TBC1D12: variants seen among roughly 807,000 people sequenced by gnomAD.
TBC1D12 encodes TBC1 domain family member 12.
A neutral mutation model predicts 86.7 loss-of-function variants in TBC1D12; 56 were observed. That is an observed-to-expected ratio of 0.65 (90% CI 0.52 to 0.81). TBC1D12 has a LOEUF of 0.81. Ranked by LOEUF, TBC1D12 falls within the 30% of genes least tolerant of loss-of-function variation. The pLI is 0.00. For missense variants in TBC1D12, 1,023 were observed against 1,038.8 expected (o/e 0.98, Z 0.21); for synonymous variants, 421 against 411.7 (o/e 1.02, Z -0.27).
chr10:94,490,117 G>A (rs1278120768), intron 3 of TBC1D12, among the ~76,000 whole-genome samples: 2 of 152,112 alleles, frequency 1.3e-5, no homozygotes, highest in Admixed American at 6.6e-5. Context: ...CAGGCATGAT[G>A]GCAGGCATCT....
chr10:94,419,226 A>G (rs770411815), intron 1 of TBC1D12, among the ~76,000 whole-genome samples: 1 of 152,006 alleles, frequency 6.6e-6, no homozygotes, highest in Non-Finnish European at 1.5e-5. Context: ...ATTCTTAAGG[A>G]TTTGTACATT....
At chr10:94,478,964 A>G (rs1294800068) in intron 3 of TBC1D12, among the ~76,000 whole-genome samples, 3 of 152,218 alleles carry the variant, frequency 2.0e-5, no homozygotes, top group Admixed American at 6.5e-5. Flanking sequence ...CAAAAAAAAA[A>G]AGTGGAAATG....
At chr10:94,443,219 GC>G (rs2055406630) in intron 2 of TBC1D12, among the ~76,000 whole-genome samples, 2 of 152,184 alleles carry the variant, frequency 1.3e-5, no homozygotes, top group Non-Finnish European at 2.9e-5. Context: ...TTTCTAAGCA[GC>G]CCCTCCCTTT....
At chr10:94,475,632 C>T (rs776600708) in intron 3 of TBC1D12, among the ~76,000 whole-genome samples, 16 of 152,020 alleles carry the variant, frequency 1.1e-4, no homozygotes, top group African/African-American at 2.2e-4. Flanking sequence ...GACAGGGTTT[C>T]GCCATGTTGG....
At chr10:94,434,445 G>A (rs959641941) in intron 1 of TBC1D12, among the ~76,000 whole-genome samples, 1 of 151,058 alleles carries the variant, frequency 6.6e-6, no homozygotes, top group Admixed American at 6.6e-5. Context: ...GATGGAGGTT[G>A]CAGTGAGCCA....
At chr10:94,405,571 G>C (rs1044553463) in intron 1 of TBC1D12, among the ~76,000 whole-genome samples, 2 of 152,136 alleles carry the variant, frequency 1.3e-5, no homozygotes, top group African/African-American at 4.8e-5. Flanking sequence ...TGTGGCCTTT[G>C]GGTGTTTGTT....
At chr10:94,406,399 G>C (rs537649113) in intron 1 of TBC1D12, among the ~76,000 whole-genome samples, 2 of 152,282 alleles carry the variant, frequency 1.3e-5, no homozygotes, top group Admixed American at 6.5e-5. Context: ...CTAGGAGTCA[G>C]TGCTTCCTTT....
intron 9 of TBC1D12, among the ~76,000 whole-genome samples, chr10:94,515,962 G>A (rs557345906): frequency 1.3e-5 from 2 of 152,258 alleles, no homozygotes; most frequent in Middle Eastern, 3.4e-3. Context: ...TGGCAGGAAG[G>A]AGCAGGACCA....
intron 2 of TBC1D12, among the ~76,000 whole-genome samples, chr10:94,458,412 T>C (rs1289835999): frequency 6.6e-6 from 1 of 152,120 alleles, no homozygotes; most frequent in Non-Finnish European, 1.5e-5. Context: ...AGAAATAAAT[T>C]CTTTTGAATT....
intron 9 of TBC1D12, among the ~76,000 whole-genome samples, chr10:94,516,395 A>C (rs1203923513): frequency 6.6e-6 from 1 of 152,196 alleles, no homozygotes; most frequent in Non-Finnish European, 1.5e-5. Context: ...GGTTGGGCAT[A>C]TATAAATTTT....
intron 11 of TBC1D12, among the ~76,000 whole-genome samples, chr10:94,526,819 C>A (rs1488231637): frequency 1.3e-5 from 2 of 152,198 alleles, no homozygotes; most frequent in Non-Finnish European, 2.9e-5. Flanking sequence ...ATACTGTTCT[C>A]CATAGTGGCT....
chr10:94,459,777 G>A (rs1223493948), intron 2 of TBC1D12, among the ~76,000 whole-genome samples: 3 of 152,098 alleles, frequency 2.0e-5, no homozygotes, highest in East Asian at 1.9e-4. Flanking sequence ...CAGTGGCACC[G>A]GCCAGCAGCT....
At chr10:94,527,082 T>G (rs1589679780) in intron 11 of TBC1D12, among the ~76,000 whole-genome samples, 1 of 148,250 alleles carries the variant, frequency 6.7e-6, no homozygotes. Flanking sequence ...GCTGGATTGA[T>G]TGTGTGTGTG....
intron 11 of TBC1D12, among the ~76,000 whole-genome samples, chr10:94,523,967 A>T (rs1453551408): frequency 6.6e-6 from 1 of 151,916 alleles, no homozygotes; most frequent in Admixed American, 6.6e-5. Context: ...AGATCCTATT[A>T]AAAAAAAATT....
intron 6 of TBC1D12, 31 bp from the exon 7 acceptor site, chr10:94,507,232 TATTC>T (rs780313998): frequency 6.3e-7 from 1 of 1,580,924 alleles, no homozygotes; most frequent in East Asian, 2.2e-5. Flanking sequence ...TCTTTCCTAT[TATTC>T]ATACATTTTT....
chr10:94,470,054 CCTAA>C (rs2055881601), intron 2 of TBC1D12, among the ~76,000 whole-genome samples: 1 of 152,110 alleles, frequency 6.6e-6, no homozygotes, highest in African/African-American at 2.4e-5. Flanking sequence ...TTTGTATATA[CCTAA>C]CTTTTAGGAA....
intron 1 of TBC1D12, among the ~76,000 whole-genome samples, chr10:94,427,065 A>G (rs1300684037): frequency 6.6e-6 from 1 of 152,236 alleles, no homozygotes; most frequent in Non-Finnish European, 1.5e-5. Flanking sequence ...TATAAAGATG[A>G]AATACATATG....
intron 1 of TBC1D12, among the ~76,000 whole-genome samples, chr10:94,432,463 C>T (rs1408338983): frequency 6.6e-6 from 1 of 152,074 alleles, no homozygotes; most frequent in Non-Finnish European, 1.5e-5. Context: ...CAGGTATATG[C>T]CATTTTGCTG....
intron 2 of TBC1D12, among the ~76,000 whole-genome samples, chr10:94,468,136 C>T (rs893659116): frequency 3.3e-5 from 5 of 152,182 alleles, no homozygotes; most frequent in African/African-American, 4.8e-5. Flanking sequence ...CAACAGTGTA[C>T]TGCTGTTACC....
Sources: allele counts gnomAD v4.1 joint callset (sites outside exome capture counted in the v4.1 genomes callset), GRCh38; gene constraint gnomAD v4.1.1; transcripts MANE v1.5; gene names NCBI Gene and HGNC (gene_info 2026-07-23, HGNC 2026-07-21).